The following COG5 variants were observed in gnomAD, a reference collection of about 807,000 sequenced individuals.
COG5 encodes conserved oligomeric Golgi complex subunit 5.
Under a neutral mutation model 110.4 loss-of-function variants are expected in COG5, and 86 were observed. That is an observed-to-expected ratio of 0.78 (90% CI 0.65 to 0.93). COG5 has a LOEUF of 0.93. Ranked by LOEUF, COG5 falls within the 40% of genes least tolerant of loss-of-function variation. The probability of loss-of-function intolerance (pLI) is 0.00; values close to 1 mark genes in which losing one functional copy is unlikely to be tolerated. For missense variants in COG5, 1,077 were observed against 987.0 expected (o/e 1.09, Z -1.22); for synonymous variants, 360 against 334.6 (o/e 1.08, Z -0.83).
intron 6 of COG5, among the ~76,000 whole-genome samples, chr7:107,525,101 T>C (rs1338480629): frequency 6.6e-6 from 1 of 152,100 alleles, no homozygotes; most frequent in Admixed American, 6.5e-5. Context: ...CTAATTTTTG[T>C]ATTTTTAGTA....
In COG5 at chr7:107,362,076, C is replaced by G. The variant is rs1813165848; in HGVS notation, c.983G>C (p.Arg328Thr). Residue 328 changes from arginine (R) to threonine (T), a missense_variant, in exon 10 of 22, where the codon AGA (arginine) becomes ACA (threonine). By Grantham distance (71) the Arg-to-Thr change is moderately conservative. Transcript: ENST00000297135. ...GAAACAAATGTGAGAAACAGGATCT[C>G]TCTTCTTGGCCAATACTTTTTGTAG... is the stretch of plus-strand genomic sequence containing the variant. ...QHLQKVLAKKRDPVSHICFIE... is the reference protein window; with the variant it reads ...QHLQKVLAKKTDPVSHICFIE... 6.2e-7 allele frequency: 1 copy of G among 1,609,264 alleles called. No homozygotes were observed. Among genetic ancestry groups the G allele is most frequent in the Non-Finnish European group, 8.5e-7 (1 of 1,176,414 alleles).
intron 7 of COG5, among the ~76,000 whole-genome samples, chr7:107,391,093 G>T (rs1367377735): frequency 2.0e-5 from 3 of 152,030 alleles, no homozygotes; most frequent in African/African-American, 7.3e-5. Flanking sequence ...CTCTCTACTT[G>T]GTGGGAGGAG....
chr7:107,324,831 T>C (rs895457711), intron 10 of COG5, among the ~76,000 whole-genome samples: 4 of 152,178 alleles, frequency 2.6e-5, no homozygotes, highest in Non-Finnish European at 5.9e-5. Flanking sequence ...GCAGGATAAT[T>C]ATGAGGATTA....
chr7:107,454,272 T>A (rs550498684), intron 6 of COG5, among the ~76,000 whole-genome samples: 1 of 152,310 alleles, frequency 6.6e-6, no homozygotes, highest in South Asian at 2.1e-4. Flanking sequence ...GAAAATGATA[T>A]GAAATCTGAA....
intron 1 of COG5, among the ~76,000 whole-genome samples, chr7:107,561,996 G>A (rs1413834636): frequency 4.6e-5 from 7 of 151,842 alleles, no homozygotes; most frequent in Non-Finnish European, 1.0e-4. Context: ...AAGAAAGAAA[G>A]AAAGAAAGGA....
In COG5 at chr7:107,324,667, A is replaced by G; in HGVS notation, c.1027-146T>C. The G allele has an allele frequency of 5.4e-6, 3 of 555,528 alleles. No individual in the cohort carries two copies. In the South Asian group the frequency reaches 8.1e-5, roughly 15 times the overall value. 34.4% of individuals were successfully genotyped at this position (555,528 alleles called of 1,614,324 possible). ...TAACCATCAAACAATAGAATTATTAATTAAATGGAAATACAAAGATGATTC... is the reference window on the plus strand; with the variant it reads ...TAACCATCAAACAATAGAATTATTAGTTAAATGGAAATACAAAGATGATTC... On this transcript the variant is annotated intron_variant, in intron 10 of 21. Coordinates refer to ENST00000297135, the MANE Select transcript of COG5 (RefSeq NM_006348.5).
intron 6 of COG5, among the ~76,000 whole-genome samples, chr7:107,500,357 A>T (rs1798560266): frequency 6.6e-6 from 1 of 152,212 alleles, no homozygotes; most frequent in South Asian, 2.1e-4. Context: ...CAATTTAGAT[A>T]CGGATTTCTT....
intron 21 of COG5, among the ~76,000 whole-genome samples, chr7:107,207,379 G>A (rs1439596427): frequency 1.3e-5 from 2 of 152,160 alleles, no homozygotes; most frequent in Admixed American, 1.3e-4. Flanking sequence ...CCTGGACCAT[G>A]GCAAGAGGGC....
At chr7:107,485,348 C>A (rs1797595249) in intron 6 of COG5, among the ~76,000 whole-genome samples, 1 of 152,158 alleles carries the variant, frequency 6.6e-6, no homozygotes, top group Non-Finnish European at 1.5e-5. Context: ...ACAGTTAGAG[C>A]ATACAATAAG....
At chr7:107,472,637 C>G (rs2129110113) in intron 6 of COG5, 1 of 152,024 alleles carries the variant, frequency 6.6e-6, no homozygotes, top group African/African-American at 2.4e-5. Flanking sequence ...AAGACCTTAA[C>G]TTACTCGAAT....
At chr7:107,316,657 CAAAAAAAAAAA>C (rs760555445) in intron 11 of COG5, among the ~76,000 whole-genome samples, 2 of 75,918 alleles carry the variant, frequency 2.6e-5, no homozygotes, top group South Asian at 5.6e-4. Context: ...ACTAAAAATA[CAAAAAAAAAAA>C]AAAAAAAAAA....
chr7:107,316,657 C>CTAAAAAAAA (rs1808781673), intron 11 of COG5, among the ~76,000 whole-genome samples: 1 of 75,916 alleles, frequency 1.3e-5, no homozygotes, highest in Non-Finnish European at 2.4e-5. Context: ...ACTAAAAATA[C>CTAAAAAAAA]AAAAAAAAAA....
At chr7:107,241,461 AT>A (rs930841531) in intron 17 of COG5, among the ~76,000 whole-genome samples, 13 of 138,342 alleles carry the variant, frequency 9.4e-5, no homozygotes, top group South Asian at 4.5e-4. Context: ...TTATTTATTT[AT>A]TTTTTTTTGA....
Position 107,202,156 on chromosome 7 carries a change from A to C in COG5, c.*1360T>G, listed in dbSNP as rs187030164. 2 of 152,692 alleles carry C rather than the reference A, an allele frequency of 1.3e-5. No homozygotes were observed. The highest frequency in any genetic ancestry group is 4.8e-5 in the African/African-American group (2 of 41,488). 9.5% of individuals were successfully genotyped at this position (152,692 alleles called of 1,614,324 possible). On this transcript the variant is annotated 3_prime_UTR_variant, in exon 22 of 22. Transcript: ENST00000297135. ...TAGTCACTGTAATGGTGCTATTAAC[A>C]AACAGTCAACACCATTGTATTTTTT...
intron 6 of COG5, among the ~76,000 whole-genome samples, chr7:107,509,180 A>C (rs1445530876): frequency 1.3e-5 from 2 of 152,180 alleles, no homozygotes; most frequent in African/African-American, 4.8e-5. Context: ...AACTAGAATA[A>C]CCAATGCAGA....
At chr7:107,376,612 A>G (rs1015895334) in intron 7 of COG5, among the ~76,000 whole-genome samples, 2 of 151,948 alleles carry the variant, frequency 1.3e-5, no homozygotes, top group African/African-American at 4.8e-5. Flanking sequence ...GTATTTCTGA[A>G]TAATTTTTAT....
At chr7:107,338,230 A>G (rs1810873218) in intron 10 of COG5, among the ~76,000 whole-genome samples, 1 of 152,160 alleles carries the variant, frequency 6.6e-6, no homozygotes, top group South Asian at 2.1e-4. Flanking sequence ...GGTCTCATAC[A>G]TTCTGACTTC....
At chr7:107,498,151 T>C (rs1318793081) in intron 6 of COG5, among the ~76,000 whole-genome samples, 2 of 152,216 alleles carry the variant, frequency 1.3e-5, no homozygotes, top group African/African-American at 4.8e-5. Context: ...CTTAATGATT[T>C]AGCCGTTAGA....
chr7:107,313,793 C>A (rs1234172071), intron 11 of COG5, among the ~76,000 whole-genome samples: 1 of 152,112 alleles, frequency 6.6e-6, no homozygotes, highest in Non-Finnish European at 1.5e-5. Flanking sequence ...AATCTCTCTA[C>A]CTTAAAATCC....
Sources: allele counts gnomAD v4.1 joint callset (sites outside exome capture counted in the v4.1 genomes callset), GRCh38; gene constraint gnomAD v4.1.1; transcripts MANE v1.5; gene names NCBI Gene and HGNC (gene_info 2026-07-23, HGNC 2026-07-21).